ECD: variants seen among roughly 807,000 people sequenced by gnomAD.
ECD encodes protein ecdysoneless homolog.
Under a neutral mutation model 77.2 loss-of-function variants are expected in ECD, and 59 were observed. The ratio of observed to expected loss-of-function variants is 0.76; its 90% confidence interval spans 0.62 to 0.95. The LOEUF (loss-of-function observed/expected upper bound fraction) is 0.95, where lower values mean the gene tolerates loss of function less well. Ranked by LOEUF, ECD falls within the 40% of genes least tolerant of loss-of-function variation. The probability of loss-of-function intolerance (pLI) is 0.00; values close to 1 mark genes in which losing one functional copy is unlikely to be tolerated. For synonymous variants in ECD, 233 were observed against 267.4 expected (o/e 0.87, Z 1.26); for missense variants, 704 against 763.4 (o/e 0.92, Z 0.92).
Position 73,134,038 on chromosome 10 carries a change from T to A in ECD, c.*545A>T, listed in dbSNP as rs1488604306. On this transcript the variant is annotated 3_prime_UTR_variant, in exon 14 of 14. Transcript: ENST00000372979. ...GAATTGTATAATTTAAAGGGTAAATTTTTTGGTATGTGACATATCAATATA... is the reference window on the plus strand; with the variant it reads ...GAATTGTATAATTTAAAGGGTAAATATTTTGGTATGTGACATATCAATATA... 1 of 152,656 alleles carries A rather than the reference T, an allele frequency of 6.6e-6. No homozygotes were observed. The highest frequency in any genetic ancestry group is 2.4e-5 in the African/African-American group (1 of 41,428). 9.5% of individuals were successfully genotyped at this position (152,656 alleles called of 1,614,324 possible).
At chr10:73,155,503 T>G (rs2133266830) in intron 5 of ECD, among the ~76,000 whole-genome samples, 1 of 152,180 alleles carries the variant, frequency 6.6e-6, no homozygotes, top group East Asian at 1.9e-4. Flanking sequence ...ATTCAGAAAC[T>G]GAATTCTGAC....
intron 6 of ECD, among the ~76,000 whole-genome samples, chr10:73,152,862 C>T (rs1055396769): frequency 6.6e-6 from 1 of 151,818 alleles, no homozygotes; most frequent in African/African-American, 2.4e-5. Context: ...TTGCAGTGAG[C>T]TGAGATTGCT....
chr10:73,143,277 T>C (rs1843081429), intron 9 of ECD, among the ~76,000 whole-genome samples: 1 of 152,216 alleles, frequency 6.6e-6, no homozygotes, highest in Non-Finnish European at 1.5e-5. Context: ...CATGCGATTC[T>C]CCTGCCTCAG....
At chr10:73,149,809 C>T (rs1332534071) in intron 7 of ECD, among the ~76,000 whole-genome samples, 1 of 152,144 alleles carries the variant, frequency 6.6e-6, no homozygotes, top group Non-Finnish European at 1.5e-5. Flanking sequence ...ATATTCCTAT[C>T]AACAATGTCT....
intron 13 of ECD, 74 bp from the exon 14 acceptor site, chr10:73,134,887 A>C: frequency 8.0e-7 from 1 of 1,253,340 alleles, no homozygotes; most frequent in Non-Finnish European, 1.1e-6. Flanking sequence ...ATAAAAAGAT[A>C]ACTAAGCCAC....
chr10:73,136,193 C>T (rs944511787), intron 13 of ECD, among the ~76,000 whole-genome samples: 7 of 152,064 alleles, frequency 4.6e-5, no homozygotes, highest in African/African-American at 1.2e-4. Flanking sequence ...AAAACATAAA[C>T]GGAAGGTGAA....
chr10:73,145,325 A>T (rs1241699985), intron 9 of ECD, among the ~76,000 whole-genome samples: 1 of 152,094 alleles, frequency 6.6e-6, no homozygotes, highest in Non-Finnish European at 1.5e-5. Context: ...TGGGTGACTA[A>T]GCGAGTCTCT....
chr10:73,148,137 C>CA, intron 8 of ECD, 139 bp downstream of exon 8: 1 of 1,027,984 alleles, frequency 9.7e-7, no homozygotes, highest in South Asian at 2.2e-5. Flanking sequence ...ACCTGAGTAC[C>CA]ACTGAACTAG....
chr10:73,144,357 G>GCTCA (rs1488239892), intron 9 of ECD, among the ~76,000 whole-genome samples: 1 of 152,114 alleles, frequency 6.6e-6, no homozygotes, highest in Non-Finnish European at 1.5e-5. Context: ...GGGTGCAGTG[G>GCTCA]CTCACACTTG....
intron 3 of ECD, among the ~76,000 whole-genome samples, chr10:73,157,293 G>A (rs1315297999): frequency 6.6e-6 from 1 of 151,180 alleles, no homozygotes; most frequent in Admixed American, 6.6e-5. Context: ...CAAGTGATCC[G>A]CTCACCTCAG....
rs183966081 is a variant in ECD, at chr10:73,163,739, C to T, written c.199G>A (p.Gly67Arg). The T allele has an allele frequency of 4.9e-5, 79 of 1,613,914 alleles. No individual in the cohort carries two copies. The Middle Eastern group carries it at 1.3e-3, about 27-fold the overall frequency. Residue 67 changes from glycine to arginine, a missense_variant, in exon 2 of 14, where the codon GGG becomes AGG. Physicochemically the swap from Gly to Arg is moderately radical, Grantham distance 125. This residue lies in a region of ECD where 559 missense variants were observed against 583.7 expected (regional missense o/e 0.96). Transcript: ENST00000372979. ...ACAAGTAAAAGAGCCTTACCTTTCC[C>T]AGGTTTATATTTAAGATTGAAAGGC... Reference protein sequence around the residue: ...NQPFNLKYKPGKGGVPAHMFG... With the variant: ...NQPFNLKYKPRKGGVPAHMFG...
At chr10:73,160,311 T>A in intron 3 of ECD, 123 bp downstream of exon 3, 1 of 538,526 alleles carries the variant, frequency 1.9e-6, no homozygotes. Flanking sequence ...GCACAGATAC[T>A]ATTAAAATCT....
chr10:73,149,983 A>G (rs1843181967), intron 7 of ECD, among the ~76,000 whole-genome samples: 2 of 151,922 alleles, frequency 1.3e-5, no homozygotes, highest in African/African-American at 4.9e-5. Context: ...ATCCCCATCA[A>G]GCTACCAATG....
chr10:73,164,165 G>A (rs543285572), intron 1 of ECD, among the ~76,000 whole-genome samples: 12 of 151,786 alleles, frequency 7.9e-5, no homozygotes, highest in African/African-American at 2.7e-4. Flanking sequence ...GTGAAACCCC[G>A]TCTCTACTAA....
chr10:73,142,305 G>A (rs1386264756), intron 9 of ECD, among the ~76,000 whole-genome samples: 2 of 151,822 alleles, frequency 1.3e-5, no homozygotes, highest in African/African-American at 2.4e-5. Context: ...CACTGTGCCC[G>A]GCCTATTTGT....
intron 6 of ECD, among the ~76,000 whole-genome samples, chr10:73,153,781 C>A (rs1843254153): frequency 7.2e-6 from 1 of 138,348 alleles, no homozygotes. Context: ...AACATATGGT[C>A]AAAAATAGCT....
chr10:73,163,631 T>C, intron 2 of ECD, 102 bp downstream of exon 2: 2 of 1,153,624 alleles, frequency 1.7e-6, no homozygotes, highest in South Asian at 3.0e-5. Context: ...AGTGTATTAA[T>C]CTCTTCCTGG....
chr10:73,153,268 AT>A, intron 6 of ECD, among the ~76,000 whole-genome samples: 1 of 151,944 alleles, frequency 6.6e-6, no homozygotes, highest in African/African-American at 2.4e-5. Context: ...TAATTTTTTT[AT>A]TTTTTGTAGC....
In ECD at chr10:73,155,357, C is replaced by T. The variant is rs138937641; in HGVS notation, c.591-909G>A. On this transcript the variant is annotated intron_variant, in intron 5 of 13. Transcript: ENST00000372979. ...CTGGGATTACAGGCGTGAGCCACCGCGCCCGGCCAAAAATATTTTTAATAT... is the reference window on the plus strand; with the variant it reads ...CTGGGATTACAGGCGTGAGCCACCGTGCCCGGCCAAAAATATTTTTAATAT... Among the ~76,000 whole-genome samples, 13 of 152,152 alleles carry T rather than the reference C, an allele frequency of 8.5e-5. No homozygotes were observed. The East Asian group carries it at 2.1e-3, about 25-fold the overall frequency.
Sources: gnomAD v4.1 joint callset for allele counts (sites outside exome capture counted in the v4.1 genomes callset) on GRCh38, gnomAD v4.1.1 for gene constraint, gnomAD v4.1.1 regional missense constraint, MANE v1.5 for transcripts, NCBI Gene and HGNC (gene_info 2026-07-23, HGNC 2026-07-21) for gene names.